CLVS1: variants seen among roughly 807,000 people sequenced by gnomAD.
CLVS1 encodes the protein clavesin 1, also known as clavesin-1.
Under a neutral mutation model 33.1 loss-of-function variants are expected in CLVS1, and 10 were observed. That is an observed-to-expected ratio of 0.30 (90% confidence interval 0.19 to 0.51). The LOEUF (loss-of-function observed/expected upper bound fraction) is 0.51, where lower values mean the gene tolerates loss of function less well. CLVS1 is among the 20% of genes least tolerant of loss of function. The pLI, the probability that CLVS1 is intolerant of heterozygous loss-of-function variation, is 0.97. For synonymous variants in CLVS1, 163 were observed against 166.1 expected (o/e 0.98, Z 0.14); for missense variants, 343 against 433.4 (o/e 0.79, Z 1.85).
the CLVS1 span, among the ~76,000 whole-genome samples, chr8:60,996,800 G>T: frequency 1.4e-3 from 206 of 152,236 alleles, 1 homozygote; most frequent in African/African-American, 4.8e-3. Context: ...AGGCTTTCAA[G>T]CCCTGCGCGA....
intron 2 of CLVS1, among the ~76,000 whole-genome samples, chr8:61,333,088 A>C (rs1384058944): frequency 6.6e-6 from 1 of 152,244 alleles, no homozygotes; most frequent in Non-Finnish European, 1.5e-5. Context: ...AATTATCTTT[A>C]ATGCCATCAA....
At chr8:61,436,648 A>G (rs1816340405) in intron 3 of CLVS1, among the ~76,000 whole-genome samples, 1 of 151,996 alleles carries the variant, frequency 6.6e-6, no homozygotes. Flanking sequence ...TTCTTCTCAT[A>G]TTTCTGCCCT....
intron 5 of CLVS1, among the ~76,000 whole-genome samples, chr8:61,477,909 C>A (rs1318515057): frequency 6.6e-6 from 1 of 152,124 alleles, no homozygotes; most frequent in African/African-American, 2.4e-5. Context: ...AATTTTAGAT[C>A]TTTTCTGCTT....
the CLVS1 span, among the ~76,000 whole-genome samples, chr8:61,034,979 A>G: frequency 6.6e-6 from 1 of 152,190 alleles, no homozygotes; most frequent in Non-Finnish European, 1.5e-5. Context: ...TCAATACTTC[A>G]TCAGAAAAGC....
chr8:61,012,704 G>A, the CLVS1 span, among the ~76,000 whole-genome samples: 4 of 152,192 alleles, frequency 2.6e-5, no homozygotes, highest in Non-Finnish European at 5.9e-5. Context: ...GCTTGGTGCT[G>A]TGCTCCCCCG....
intron 3 of CLVS1, among the ~76,000 whole-genome samples, chr8:61,378,779 A>G (rs1363897026): frequency 2.0e-5 from 3 of 152,182 alleles, no homozygotes; most frequent in Admixed American, 1.3e-4. Context: ...TTCTCACTTC[A>G]GGCTATCTGC....
At chr8:61,000,506 T>C in the CLVS1 span, among the ~76,000 whole-genome samples, 1 of 152,178 alleles carries the variant, frequency 6.6e-6, no homozygotes, top group African/African-American at 2.4e-5. Flanking sequence ...AGAGGGATGA[T>C]GGATTGCCGA....
At chr8:60,980,793 GA>G in the CLVS1 span, among the ~76,000 whole-genome samples, 1 of 140,878 alleles carries the variant, frequency 7.1e-6, no homozygotes, top group East Asian at 2.0e-4. Context: ...CTCAAAAAAA[GA>G]AAAAGAGAAA....
In CLVS1 at chr8:61,438,962, T is replaced by G. The variant is rs76678605; in HGVS notation, c.631-15179T>G. Among the ~76,000 whole-genome samples, 1,829 of 152,344 alleles carry G rather than the reference T, an allele frequency of 0.012. 97 individuals are homozygous for G. In the East Asian group the frequency reaches 0.15, roughly 12 times the overall value. On this transcript the variant is annotated intron_variant, in intron 3 of 5. Coordinates refer to ENST00000325897, the MANE Select transcript of CLVS1 (RefSeq NM_173519.3). ...CTGCTTTTAAGGTTTTCTCTTAAAT[T>G]GTATCTGTTAAGACTTTAAAATGTT... is the stretch of plus-strand genomic sequence containing the variant.
At chr8:61,339,908 GGAAA>G (rs1243083159) in intron 2 of CLVS1, among the ~76,000 whole-genome samples, 5 of 149,122 alleles carry the variant, frequency 3.4e-5, no homozygotes, top group African/African-American at 4.9e-5. Flanking sequence ...AGGGAGGGAG[GGAAA>G]GAAAGAGAGT....
chr8:61,496,609 T>A (rs41357647), intron 5 of CLVS1, among the ~76,000 whole-genome samples: 1 of 152,212 alleles, frequency 6.6e-6, no homozygotes, highest in African/African-American at 2.4e-5. Flanking sequence ...GAGTCCATTT[T>A]GCTTTCAAAG....
At chr8:61,309,809 G>T (rs560525861) in intron 2 of CLVS1, among the ~76,000 whole-genome samples, 1 of 152,304 alleles carries the variant, frequency 6.6e-6, no homozygotes, top group East Asian at 1.9e-4. Context: ...GCATTAAGCA[G>T]GTTCCTTCTT....
chr8:61,341,291 G>A (rs1436601613), intron 2 of CLVS1, among the ~76,000 whole-genome samples: 9 of 152,124 alleles, frequency 5.9e-5, no homozygotes, highest in African/African-American at 1.9e-4. Flanking sequence ...GAAATTGGAC[G>A]GCAGCATGAA....
At chr8:61,497,286 G>A (rs1270288214) in intron 5 of CLVS1, among the ~76,000 whole-genome samples, 1 of 152,172 alleles carries the variant, frequency 6.6e-6, no homozygotes, top group Non-Finnish European at 1.5e-5. Context: ...CATGCATAAG[G>A]AGGAGTCCAG....
chr8:61,403,521 A>T (rs539286594), intron 3 of CLVS1, among the ~76,000 whole-genome samples: 3 of 152,312 alleles, frequency 2.0e-5, no homozygotes, highest in Non-Finnish European at 4.4e-5. Context: ...GGATGGAAAC[A>T]GTGAAAGTGG....
chr8:61,049,447 G>A, the CLVS1 span, among the ~76,000 whole-genome samples: 1 of 152,118 alleles, frequency 6.6e-6, no homozygotes, highest in East Asian at 1.9e-4. Flanking sequence ...AATGCATTTA[G>A]GGTGTTTGTT....
the CLVS1 span, among the ~76,000 whole-genome samples, chr8:60,994,255 G>C: frequency 6.6e-6 from 1 of 152,082 alleles, no homozygotes; most frequent in African/African-American, 2.4e-5. Flanking sequence ...AGTTGTATTG[G>C]ATGAGGACCC....
the CLVS1 span, among the ~76,000 whole-genome samples, chr8:60,965,042 T>C: frequency 1.1e-4 from 17 of 151,536 alleles, no homozygotes; most frequent in African/African-American, 3.9e-4. Context: ...TTTCTTTTTC[T>C]TTTTTTTTGA....
chr8:61,422,735 A>G (rs910499484), intron 3 of CLVS1, among the ~76,000 whole-genome samples: 2 of 152,222 alleles, frequency 1.3e-5, no homozygotes, highest in African/African-American at 4.8e-5. Flanking sequence ...GAATCACTTT[A>G]TGAAATAATC....
Sources: allele counts gnomAD v4.1 joint callset (sites outside exome capture counted in the v4.1 genomes callset), GRCh38; gene constraint gnomAD v4.1.1; transcripts MANE v1.5; gene names NCBI Gene and HGNC (gene_info 2026-07-23, HGNC 2026-07-21).